The following GRIP1 variants were observed in gnomAD, a reference collection of about 807,000 sequenced individuals.
The protein encoded by GRIP1 is glutamate receptor interacting protein 1.
Under a neutral mutation model 129.9 loss-of-function variants are expected in GRIP1, and 45 were observed. The observed-to-expected ratio is 0.35, with a 90% CI of 0.27 to 0.44. The LOEUF is 0.44. GRIP1 is among the 20% of genes least tolerant of loss of function. The pLI is 1.00. For synonymous variants in GRIP1, 530 were observed against 520.8 expected (o/e 1.02, Z -0.24); for missense variants, 1,196 against 1,396.8 (o/e 0.86, Z 2.29).
chr12:66,995,531 A>T (rs1024762841), intron 1 of GRIP1, among the ~76,000 whole-genome samples: 3 of 152,160 alleles, frequency 2.0e-5, no homozygotes, highest in African/African-American at 7.2e-5. Context: ...TGGGTAAATA[A>T]TCTCAACAGA....
intron 1 of GRIP1, among the ~76,000 whole-genome samples, chr12:67,005,449 C>T (rs755615600): frequency 1.3e-5 from 2 of 152,188 alleles, no homozygotes; most frequent in Non-Finnish European, 2.9e-5. Context: ...CTTGGCTAGG[C>T]ATTGTGCTGA....
intron 4 of GRIP1, among the ~76,000 whole-genome samples, chr12:66,533,230 C>T (rs984334430): frequency 5.9e-5 from 9 of 152,032 alleles, no homozygotes; most frequent in African/African-American, 2.2e-4. Flanking sequence ...GAGACAGGGT[C>T]TTTCTATGTT....
intron 1 of GRIP1, among the ~76,000 whole-genome samples, chr12:66,952,021 G>A (rs547265072): frequency 5.3e-5 from 8 of 152,242 alleles, no homozygotes; most frequent in African/African-American, 1.9e-4. Context: ...CATATTGCAG[G>A]AAATTGATGA....
chr12:66,444,502 A>G, intron 13 of GRIP1, 82 bp downstream of exon 13: 2 of 1,234,932 alleles, frequency 1.6e-6, no homozygotes, highest in South Asian at 2.7e-5. Flanking sequence ...CAAAAAAAAA[A>G]AAAAAAAAAA....
At chr12:66,964,908 C>T (rs905250369) in intron 1 of GRIP1, among the ~76,000 whole-genome samples, 4 of 152,070 alleles carry the variant, frequency 2.6e-5, no homozygotes, top group African/African-American at 7.2e-5. Context: ...ATGGTCTTTC[C>T]TCTTTACACG....
intron 1 of GRIP1, among the ~76,000 whole-genome samples, chr12:67,035,829 A>G (rs1470764736): frequency 6.6e-6 from 1 of 152,084 alleles, no homozygotes; most frequent in South Asian, 2.1e-4. Context: ...CATTTATCTC[A>G]TCCTGACAAA....
At chr12:66,983,925 C>G (rs2042273731) in intron 1 of GRIP1, among the ~76,000 whole-genome samples, 1 of 152,088 alleles carries the variant, frequency 6.6e-6, no homozygotes, top group Non-Finnish European at 1.5e-5. Flanking sequence ...GCACCTCTTC[C>G]CACCAAGGGA....
intron 1 of GRIP1, among the ~76,000 whole-genome samples, chr12:66,871,449 T>C (rs1287109993): frequency 6.6e-6 from 1 of 152,120 alleles, no homozygotes; most frequent in East Asian, 1.9e-4. Context: ...ATTAGTTTTA[T>C]GGGCAGTTTG....
chr12:66,377,505 T>C (rs2055857794), intron 20 of GRIP1, among the ~76,000 whole-genome samples: 1 of 150,896 alleles, frequency 6.6e-6, no homozygotes. Context: ...TTTTTTTTTT[T>C]TTTTTTTGTA....
chr12:66,451,383 G>GGTTTTTTTTTTTTTTTT (rs1565751885), intron 11 of GRIP1, among the ~76,000 whole-genome samples: 1 of 42,650 alleles, frequency 2.3e-5, no homozygotes. Context: ...ATTATAATCT[G>GGTTTTTTTTTTTTTTTT]TTTTTTTTTT....
chr12:66,788,132 G>A (rs1481065245), intron 1 of GRIP1, among the ~76,000 whole-genome samples: 1 of 152,018 alleles, frequency 6.6e-6, no homozygotes, highest in East Asian at 1.9e-4. Context: ...TATTTAGAAA[G>A]CAAAGTTGAG....
At chr12:66,584,522 G>A (rs2063537886) in intron 2 of GRIP1, among the ~76,000 whole-genome samples, 1 of 152,130 alleles carries the variant, frequency 6.6e-6, no homozygotes, top group African/African-American at 2.4e-5. Flanking sequence ...GCAATGAGCT[G>A]AGGTCACGCC....
Position 66,528,970 on chromosome 12 carries a change from A to G in GRIP1, c.502+861T>C, listed in dbSNP as rs146391925. 2.7e-3 allele frequency among the ~76,000 whole-genome samples: 411 copies of G among 152,314 alleles called. 4 individuals are homozygous for G. Among genetic ancestry groups the G allele is most frequent in the African/African-American group, 9.4e-3 (390 of 41,574 alleles). ...AGAAAAAACCAAACAATCCCATCAAAAAGTGGGCTAAGGACATGAATAGAC... is the reference window on the plus strand; with the variant it reads ...AGAAAAAACCAAACAATCCCATCAAGAAGTGGGCTAAGGACATGAATAGAC... On this transcript the variant is annotated intron_variant, in intron 5 of 24. Coordinates refer to ENST00000359742, the MANE Select transcript of GRIP1 (RefSeq NM_001366722.1).
chr12:66,369,050 C>A (rs1415578286), intron 23 of GRIP1, among the ~76,000 whole-genome samples: 1 of 152,148 alleles, frequency 6.6e-6, no homozygotes, highest in Non-Finnish European at 1.5e-5. Flanking sequence ...AGGGGGCTTA[C>A]AATGTCTAGG....
chr12:66,871,806 T>C (rs984751576), intron 1 of GRIP1, among the ~76,000 whole-genome samples: 1 of 152,108 alleles, frequency 6.6e-6, no homozygotes, highest in Non-Finnish European at 1.5e-5. Flanking sequence ...GAAACTAGAA[T>C]AAGATTGAGT....
chr12:66,712,454 A>G (rs775185390), intron 1 of GRIP1, among the ~76,000 whole-genome samples: 4 of 151,988 alleles, frequency 2.6e-5, no homozygotes, highest in Non-Finnish European at 5.9e-5. Context: ...ATATCTTTCA[A>G]TTTTGAGCTT....
chr12:66,723,198 C>T (rs1412564056), intron 1 of GRIP1, among the ~76,000 whole-genome samples: 1 of 91,100 alleles, frequency 1.1e-5, no homozygotes, highest in African/African-American at 4.9e-5. Flanking sequence ...GGTTTTTCAT[C>T]TTCTTTTCTT....
chr12:66,957,417 A>AATATATAT lies in GRIP1; in HGVS notation c.58+111625_58+111632dup, dbSNP rs60559996. Among the ~76,000 whole-genome samples the AATATATAT allele has an allele frequency of 2.5e-3, 369 of 147,466 alleles. 3 individuals carry two copies. Among genetic ancestry groups the AATATATAT allele is most frequent in the East Asian group, 0.012 (58 of 5,026 alleles). ...ATTCAGATTTTCTTAGCTTTAATCT[A>AATATATAT]ATATATATATATATATATATTTCTT... On this transcript the variant is annotated intron_variant, in intron 1 of 1. Coordinates refer to the GRIP1 transcript ENST00000643019.
At chr12:66,808,605 GT>G (rs11399646), upstream of GRIP1, among the ~76,000 whole-genome samples, 4 of 150,878 alleles carry the variant, frequency 2.7e-5, no homozygotes, top group South Asian at 2.1e-4. Context: ...GTTTTGTTTT[GT>G]TTTTTTTTAA....
Sources: gnomAD v4.1 joint callset for allele counts (sites outside exome capture counted in the v4.1 genomes callset) on GRCh38, gnomAD v4.1.1 for gene constraint, MANE v1.5 for transcripts, NCBI Gene and HGNC (gene_info 2026-07-23, HGNC 2026-07-21) for gene names.